Variants in KLHL1 observed in about 807,000 individuals in gnomAD.
KLHL1 encodes the protein kelch-like protein 1.
A neutral mutation model predicts 77.7 loss-of-function variants in KLHL1; 47 were observed. The ratio of observed to expected loss-of-function variants is 0.60; its 90% confidence interval spans 0.48 to 0.77. KLHL1 has a LOEUF of 0.77. KLHL1 is among the 30% of genes least tolerant of loss of function. The pLI is 0.00. For missense variants in KLHL1, 925 were observed against 910.8 expected (o/e 1.02, Z -0.20); for synonymous variants, 360 against 325.2 (o/e 1.11, Z -1.15).
At chr13:70,042,184 G>A (rs1403842429) in intron 1 of KLHL1, among the ~76,000 whole-genome samples, 3 of 152,040 alleles carry the variant, frequency 2.0e-5, no homozygotes, top group Non-Finnish European at 4.4e-5. Context: ...AAGTACCACC[G>A]TGTCATTGCT....
At chr13:69,900,674 C>T (rs1048020035) in intron 4 of KLHL1, among the ~76,000 whole-genome samples, 1 of 152,148 alleles carries the variant, frequency 6.6e-6, no homozygotes, top group South Asian at 2.1e-4. Context: ...TTGGAAGAGA[C>T]AGACATCATG....
intron 4 of KLHL1, among the ~76,000 whole-genome samples, chr13:69,920,517 T>C (rs1449053094): frequency 2.0e-5 from 3 of 152,132 alleles, no homozygotes; most frequent in Non-Finnish European, 4.4e-5. Context: ...ATAAAATATA[T>C]CCTTGGATTG....
chr13:70,018,199 A>G (rs989500757), intron 1 of KLHL1, among the ~76,000 whole-genome samples: 2 of 152,232 alleles, frequency 1.3e-5, no homozygotes, highest in African/African-American at 4.8e-5. Flanking sequence ...ATGATTTTGC[A>G]TATGTTAATA....
intron 7 of KLHL1, among the ~76,000 whole-genome samples, chr13:69,755,240 C>T (rs1348150915): frequency 6.6e-6 from 1 of 151,714 alleles, no homozygotes; most frequent in Non-Finnish European, 1.5e-5. Context: ...CTCTCTTGAT[C>T]CCACTCTTGC....
intron 6 of KLHL1, among the ~76,000 whole-genome samples, chr13:69,820,232 G>A (rs1204409064): frequency 6.6e-6 from 1 of 152,096 alleles, no homozygotes; most frequent in East Asian, 1.9e-4. Flanking sequence ...GTGAATTTCA[G>A]TCACTTATGG....
rs1566442963 is a variant in KLHL1 at position 69,956,044 on chromosome 13, A to ATTTATATATG, written c.817+5263_817+5264insCATATATAAA. On this transcript the variant is annotated intron_variant, in intron 3 of 10. Transcript: ENST00000377844. Reference sequence around the variant, plus strand: ...TATATATTTATATATATTTATATATATTTGATATATATATTTATATATTTA... The same window carrying ATTTATATATG: ...TATATATTTATATATATTTATATATATTTATATATGTTTGATATATATATTTATATATTTA... Among the ~76,000 whole-genome samples the ATTTATATATG allele has an allele frequency of 1.3e-3, 172 of 134,050 alleles. 1 individual carries two copies. The highest frequency in any genetic ancestry group is 4.6e-3 in the African/African-American group (166 of 36,238). 87.9% of individuals were successfully genotyped at this position (134,050 alleles called of 152,430 possible).
intron 7 of KLHL1, among the ~76,000 whole-genome samples, chr13:69,763,813 G>A (rs2137969276): frequency 6.6e-6 from 1 of 152,316 alleles, no homozygotes; most frequent in Non-Finnish European, 1.5e-5. Flanking sequence ...AAATGTTAAA[G>A]AAGATAGATC....
intron 8 of KLHL1, among the ~76,000 whole-genome samples, chr13:69,729,989 A>T (rs1873470028): frequency 6.6e-6 from 1 of 152,154 alleles, no homozygotes; most frequent in Non-Finnish European, 1.5e-5. Context: ...ATACAAGTAC[A>T]GGAAAAGTAA....
At chr13:70,051,334 A>G (rs1196071058) in intron 1 of KLHL1, among the ~76,000 whole-genome samples, 3 of 152,044 alleles carry the variant, frequency 2.0e-5, no homozygotes, top group Non-Finnish European at 2.9e-5. Context: ...ATGAAAATGA[A>G]TGGCAGATGG....
chr13:69,740,111 T>A (rs1359687944), intron 8 of KLHL1, among the ~76,000 whole-genome samples: 1 of 152,154 alleles, frequency 6.6e-6, no homozygotes, highest in Admixed American at 6.5e-5. Flanking sequence ...AACACCAAAC[T>A]TTTAGTAGTT....
chr13:69,977,574 G>C (rs1286332856), intron 1 of KLHL1, among the ~76,000 whole-genome samples: 2 of 152,028 alleles, frequency 1.3e-5, no homozygotes, highest in Admixed American at 1.3e-4. Flanking sequence ...TGGGACAAAA[G>C]CCATGTGAGG....
intron 4 of KLHL1, among the ~76,000 whole-genome samples, chr13:69,921,548 G>A (rs990467055): frequency 2.6e-5 from 4 of 152,068 alleles, no homozygotes; most frequent in African/African-American, 9.7e-5. Context: ...TTAATAAAAC[G>A]TGGCCATACC....
At chr13:69,881,937 T>G (rs1881010204) in intron 5 of KLHL1, among the ~76,000 whole-genome samples, 1 of 152,206 alleles carries the variant, frequency 6.6e-6, no homozygotes. Flanking sequence ...CAGGAGACAC[T>G]GTATTATGAT....
intron 7 of KLHL1, among the ~76,000 whole-genome samples, chr13:69,749,729 G>T (rs1240161265): frequency 1.3e-5 from 2 of 151,914 alleles, no homozygotes; most frequent in Admixed American, 1.3e-4. Context: ...TCCCCATAAT[G>T]CTGTCACATT....
intron 7 of KLHL1, among the ~76,000 whole-genome samples, chr13:69,775,283 TA>T (rs543413481): frequency 1.3e-5 from 2 of 151,632 alleles, no homozygotes; most frequent in Non-Finnish European, 1.5e-5. Flanking sequence ...TCAATTGTCA[TA>T]AAAAAAAGAG....
intron 4 of KLHL1, among the ~76,000 whole-genome samples, chr13:69,918,822 C>A (rs1392664928): frequency 6.6e-6 from 1 of 152,110 alleles, no homozygotes; most frequent in Non-Finnish European, 1.5e-5. Context: ...TGTGTCCTTT[C>A]TCTAGTCAAT....
intron 1 of KLHL1, 146 bp downstream of exon 1, chr13:70,107,057 G>T: frequency 8.3e-7 from 1 of 1,208,688 alleles, no homozygotes; most frequent in Middle Eastern, 2.3e-4. Context: ...AATGAAATTA[G>T]AACTTGAGTA....
chr13:70,074,692 G>GA (rs1303754418), intron 1 of KLHL1, among the ~76,000 whole-genome samples: 1 of 150,890 alleles, frequency 6.6e-6, no homozygotes, highest in Non-Finnish European at 1.5e-5. Flanking sequence ...CTTTTGTTTG[G>GA]AGAGCATTTT....
chr13:69,806,025 A>T (rs963571547), intron 6 of KLHL1, among the ~76,000 whole-genome samples: 7 of 152,288 alleles, frequency 4.6e-5, no homozygotes, highest in African/African-American at 1.7e-4. Flanking sequence ...GATGAAGAAT[A>T]GCTACATTAA....
Sources: gnomAD v4.1 joint callset for allele counts (sites outside exome capture counted in the v4.1 genomes callset) on GRCh38, gnomAD v4.1.1 for gene constraint, MANE v1.5 for transcripts, NCBI Gene and HGNC (gene_info 2026-07-23, HGNC 2026-07-21) for gene names.